The following CADM2 variants were observed in gnomAD, a reference collection of about 807,000 sequenced individuals.
The protein encoded by CADM2 is immunoglobulin superfamily member 4D.
A neutral mutation model predicts 49.8 loss-of-function variants in CADM2; 12 were observed. That is an observed-to-expected ratio of 0.24 (90% CI 0.15 to 0.39). The LOEUF is 0.39. Ranked by LOEUF, CADM2 falls within the 10% of genes least tolerant of loss-of-function variation. The pLI is 1.00. For missense variants in CADM2, 378 were observed against 492.3 expected, an observed-to-expected ratio of 0.77 and a Z score of 2.20; for synonymous variants, 214 against 175.4, an observed-to-expected ratio of 1.22 and a Z score of -1.74.
intron 8 of CADM2, among the ~76,000 whole-genome samples, chr3:85,988,548 T>A (rs535021924): frequency 1.3e-5 from 2 of 152,258 alleles, no homozygotes; most frequent in East Asian, 1.9e-4. Flanking sequence ...AGGTTTAAAC[T>A]ATTGGAAAAA....
chr3:85,725,958 A>G (rs114195872), intron 1 of CADM2, among the ~76,000 whole-genome samples: 2,279 of 152,066 alleles, frequency 0.015, 25 homozygotes, highest in Non-Finnish European at 0.023. Context: ...TGCTTTCCAG[A>G]TGTGTCATCT....
intron 1 of CADM2, among the ~76,000 whole-genome samples, chr3:85,357,193 C>T (rs1407423523): frequency 6.6e-6 from 1 of 152,076 alleles, no homozygotes; most frequent in East Asian, 1.9e-4. Context: ...TTGGAAATGG[C>T]TTGTCAACAC....
intron 1 of CADM2, among the ~76,000 whole-genome samples, chr3:85,125,478 C>T (rs981028421): frequency 1.2e-4 from 18 of 152,080 alleles, no homozygotes; most frequent in Non-Finnish European, 5.9e-5. Flanking sequence ...TCCACCTCAG[C>T]CTCCTGGGTG....
intron 1 of CADM2, among the ~76,000 whole-genome samples, chr3:85,398,620 C>G (rs1243089208): frequency 6.6e-6 from 1 of 152,150 alleles, no homozygotes; most frequent in East Asian, 1.9e-4. Context: ...ACAGTCCCAC[C>G]AACAGTGTAA....
At chr3:85,509,451 A>G (rs576463492) in intron 1 of CADM2, among the ~76,000 whole-genome samples, 2 of 152,252 alleles carry the variant, frequency 1.3e-5, no homozygotes, top group Non-Finnish European at 2.9e-5. Context: ...AAATTGATAT[A>G]CTATTTAGCT....
intron 1 of CADM2, among the ~76,000 whole-genome samples, chr3:85,059,800 A>G (rs2036237084): frequency 1.3e-5 from 2 of 152,314 alleles, no homozygotes; most frequent in South Asian, 4.1e-4. Flanking sequence ...GTGGAACTGT[A>G]AGTCCTATAA....
intron 1 of CADM2, among the ~76,000 whole-genome samples, chr3:85,097,728 G>A (rs575723049): frequency 9.2e-5 from 14 of 152,270 alleles, no homozygotes; most frequent in South Asian, 2.1e-4. Context: ...ACTCACACTC[G>A]TGATCTCTTC....
intron 1 of CADM2, among the ~76,000 whole-genome samples, chr3:85,114,911 A>G (rs1437339320): frequency 2.6e-5 from 4 of 152,186 alleles, no homozygotes; most frequent in Non-Finnish European, 5.9e-5. Flanking sequence ...TAGTTCATAT[A>G]TAGAAATGTT....
chr3:85,301,632 A>G (rs996760108), intron 1 of CADM2, among the ~76,000 whole-genome samples: 3 of 152,068 alleles, frequency 2.0e-5, no homozygotes, highest in Admixed American at 6.6e-5. Flanking sequence ...TTATTTACAT[A>G]TAGTCTGCTT....
chr3:85,729,302 T>C (rs1483431773), intron 2 of CADM2, among the ~76,000 whole-genome samples: 2 of 152,184 alleles, frequency 1.3e-5, no homozygotes, highest in Non-Finnish European at 2.9e-5. Flanking sequence ...TCAACTATTG[T>C]AGTGTAGGTT....
intron 1 of CADM2, among the ~76,000 whole-genome samples, chr3:85,120,066 A>G (rs560463333): frequency 6.6e-6 from 1 of 152,322 alleles, no homozygotes; most frequent in African/African-American, 2.4e-5. Flanking sequence ...TGTATATGCG[A>G]CCAACAAACA....
At chr3:85,974,132 C>G (rs532184410) in intron 8 of CADM2, among the ~76,000 whole-genome samples, 4 of 151,622 alleles carry the variant, frequency 2.6e-5, no homozygotes, top group Non-Finnish European at 5.9e-5. Flanking sequence ...TAAACATGTA[C>G]ACGGGTGTCT....
intron 1 of CADM2, among the ~76,000 whole-genome samples, chr3:85,172,849 TA>T (rs1243706970): frequency 1.4e-5 from 2 of 146,904 alleles, no homozygotes; most frequent in East Asian, 1.9e-4. Context: ...ATATTATATA[TA>T]AAAATATATG....
At chr3:85,547,514 C>T (rs1438589534) in intron 1 of CADM2, among the ~76,000 whole-genome samples, 1 of 152,098 alleles carries the variant, frequency 6.6e-6, no homozygotes, top group African/African-American at 2.4e-5. Context: ...GCTGACCTGG[C>T]AGTCAGAAAC....
chr3:85,699,952 A>G (rs2066699157), intron 1 of CADM2, among the ~76,000 whole-genome samples: 1 of 152,208 alleles, frequency 6.6e-6, no homozygotes, highest in Admixed American at 6.5e-5. Context: ...GTTTTACTAG[A>G]AATACCATTT....
chr3:85,511,020 T>C (rs1364440224), intron 1 of CADM2, among the ~76,000 whole-genome samples: 1 of 152,098 alleles, frequency 6.6e-6, no homozygotes, highest in Non-Finnish European at 1.5e-5. Flanking sequence ...ATTTTAAATG[T>C]AATTTTAAAA....
At chr3:85,043,580 G>A (rs1436396109) in intron 1 of CADM2, among the ~76,000 whole-genome samples, 1 of 152,056 alleles carries the variant, frequency 6.6e-6, no homozygotes, top group African/African-American at 2.4e-5. Context: ...TCAGGAGGCT[G>A]AGTTCAGAGG....
chr3:85,477,708 T>C (rs1576625934), intron 1 of CADM2, among the ~76,000 whole-genome samples: 1 of 151,894 alleles, frequency 6.6e-6, no homozygotes, highest in African/African-American at 2.4e-5. Flanking sequence ...TGATCTTGTT[T>C]GCACAATCTA....
intron 1 of CADM2, among the ~76,000 whole-genome samples, chr3:84,992,190 G>A (rs761784997): frequency 6.6e-6 from 1 of 152,048 alleles, no homozygotes; most frequent in Non-Finnish European, 1.5e-5. Flanking sequence ...TTGTGTTGAG[G>A]TAAGGGGTAA....
Sources: gnomAD v4.1 joint callset for allele counts (sites outside exome capture counted in the v4.1 genomes callset) on GRCh38, gnomAD v4.1.1 for gene constraint, MANE v1.5 for transcripts, NCBI Gene and HGNC (gene_info 2026-07-23, HGNC 2026-07-21) for gene names.